The following SYT14 variants were observed in gnomAD, a reference collection of about 807,000 sequenced individuals.
SYT14 encodes synaptotagmin 14.
A neutral mutation model predicts 74.2 loss-of-function variants in SYT14; 32 were observed. The observed-to-expected ratio is 0.43, with a 90% CI of 0.33 to 0.58. SYT14 has a LOEUF of 0.58. SYT14 is among the 20% of genes least tolerant of loss of function. SYT14 has a pLI of 0.05. For synonymous variants in SYT14, 298 were observed against 337.7 expected (o/e 0.88, Z 1.29); for missense variants, 791 against 981.8 (o/e 0.81, Z 2.60).
At chr1:210,096,564 T>C (rs1368874355) in intron 6 of SYT14, among the ~76,000 whole-genome samples, 1 of 152,214 alleles carries the variant, frequency 6.6e-6, no homozygotes. Flanking sequence ...TGTCTCACTG[T>C]CTTCTTTTCC....
intron 2 of SYT14, among the ~76,000 whole-genome samples, chr1:210,000,449 G>A (rs866347879): frequency 1.5e-5 from 2 of 131,236 alleles, no homozygotes; most frequent in South Asian, 2.4e-4. Flanking sequence ...TCTTATTTTA[G>A]TCCTTTGTCC....
At chr1:210,118,483 T>C (rs998043813) in intron 7 of SYT14, among the ~76,000 whole-genome samples, 6 of 151,882 alleles carry the variant, frequency 4.0e-5, no homozygotes, top group African/African-American at 1.2e-4. Flanking sequence ...TTTTGTTTTG[T>C]TTTTGTTTTT....
At chr1:210,063,209 C>T (rs1180602006) in intron 5 of SYT14, among the ~76,000 whole-genome samples, 1 of 151,134 alleles carries the variant, frequency 6.6e-6, no homozygotes, top group Non-Finnish European at 1.5e-5. Context: ...ATCTTTTTTA[C>T]CTGTAAATCT....
At chr1:209,979,681 A>G (rs2079444753) in intron 2 of SYT14, among the ~76,000 whole-genome samples, 1 of 151,778 alleles carries the variant, frequency 6.6e-6, no homozygotes, top group African/African-American at 2.4e-5. Context: ...CTCACCTCCC[A>G]CTTGTAAGTG....
At chr1:210,081,342 GT>G (rs2081611993) in intron 5 of SYT14, among the ~76,000 whole-genome samples, 1 of 152,218 alleles carries the variant, frequency 6.6e-6, no homozygotes, top group Non-Finnish European at 1.5e-5. Context: ...AGTTAAGGAT[GT>G]TCAGGCATAC....
At chr1:210,117,964 A>G (rs2130627) in intron 7 of SYT14, among the ~76,000 whole-genome samples, 21,233 of 152,176 alleles carry the variant, frequency 0.14, 4,734 homozygotes, top group African/African-American at 0.47. Context: ...CTTCACTGTC[A>G]GCAACCAACA....
chr1:210,111,036 A>G (rs2082252573), intron 7 of SYT14, among the ~76,000 whole-genome samples: 2 of 152,120 alleles, frequency 1.3e-5, no homozygotes, highest in South Asian at 4.1e-4. Context: ...GAGCCACCAC[A>G]TTAACATAAA....
chr1:210,027,051 C>T lies in SYT14; in HGVS notation c.1312+5797C>T, dbSNP rs567450727. 1.2e-4 allele frequency among the ~76,000 whole-genome samples: 19 copies of T among 152,200 alleles called. No homozygotes were observed. The East Asian group carries it at 3.1e-3, about 25-fold the overall frequency. The stretch of plus-strand genomic sequence containing the variant: ...AGAAATTCACATATAATTTTTGATT[C>T]ACCAGAAACTTAACTACTGATAGCC... On this transcript the variant is annotated intron_variant, in intron 5 of 9. Coordinates refer to ENST00000637265, the Ensembl canonical transcript of SYT14.
At chr1:210,014,054 G>A (rs560544493) in intron 3 of SYT14, among the ~76,000 whole-genome samples, 1 of 152,194 alleles carries the variant, frequency 6.6e-6, no homozygotes, top group African/African-American at 2.4e-5. Context: ...ATGCTTTTGA[G>A]CCTATAATAG....
chr1:210,081,539 T>G (rs1409498818), intron 5 of SYT14, among the ~76,000 whole-genome samples: 1 of 152,266 alleles, frequency 6.6e-6, no homozygotes, highest in African/African-American at 2.4e-5. Flanking sequence ...AATACTTCAT[T>G]GCTAGAAAAA....
intron 7 of SYT14, among the ~76,000 whole-genome samples, chr1:210,119,803 A>G (rs906847154): frequency 5.9e-5 from 9 of 152,176 alleles, no homozygotes; most frequent in Non-Finnish European, 1.2e-4. Context: ...AAAAAGGCTA[A>G]TTCTCCATAG....
intron 2 of SYT14, among the ~76,000 whole-genome samples, chr1:209,989,043 A>C (rs190273763): frequency 6.6e-6 from 1 of 152,298 alleles, no homozygotes; most frequent in Admixed American, 6.5e-5. Flanking sequence ...TTGGAAAATC[A>C]TAGTCATACA....
At chr1:210,067,205 A>T (rs892028804) in intron 5 of SYT14, among the ~76,000 whole-genome samples, 1 of 151,954 alleles carries the variant, frequency 6.6e-6, no homozygotes, top group African/African-American at 2.4e-5. Context: ...AGTTGCTTTT[A>T]CTAAGCTTGA....
At chr1:210,056,014 A>C (rs983263386) in intron 5 of SYT14, among the ~76,000 whole-genome samples, 1 of 152,140 alleles carries the variant, frequency 6.6e-6, no homozygotes, top group South Asian at 2.1e-4. Flanking sequence ...CCTAAGACTA[A>C]TCCTCATTTC....
At chr1:210,059,449 TATAGAGAGAGAGAGAG>T (rs2081164913) in intron 5 of SYT14, among the ~76,000 whole-genome samples, 1 of 89,716 alleles carries the variant, frequency 1.1e-5, no homozygotes, top group South Asian at 3.9e-4. Flanking sequence ...TATATATATA[TATAGAGAGAGAGAGAG>T]AGAGAGAGAG....
At chr1:209,955,814 C>A (rs1014238672) in intron 2 of SYT14, among the ~76,000 whole-genome samples, 1 of 152,156 alleles carries the variant, frequency 6.6e-6, no homozygotes, top group Non-Finnish European at 1.5e-5. Context: ...ATGGGTGAGA[C>A]TCTGGGTGTA....
At chr1:210,089,042 C>T (rs1160119391) in intron 5 of SYT14, among the ~76,000 whole-genome samples, 1 of 152,094 alleles carries the variant, frequency 6.6e-6, no homozygotes, top group Non-Finnish European at 1.5e-5. Context: ...CCTCCATCCC[C>T]TGACATGCCC....
At chr1:210,093,740 C>T (rs114606903) in intron 5 of SYT14, among the ~76,000 whole-genome samples, 12 of 152,200 alleles carry the variant, frequency 7.9e-5, no homozygotes, top group African/African-American at 2.2e-4. Context: ...GATGGATGTT[C>T]GCAAACAGGG....
chr1:210,112,238 T>A (rs1323924607), intron 7 of SYT14, among the ~76,000 whole-genome samples: 4 of 151,132 alleles, frequency 2.6e-5, no homozygotes, highest in Non-Finnish European at 4.4e-5. Flanking sequence ...TTGCCAGTCC[T>A]GGGCAGGGGC....
Sources: allele counts gnomAD v4.1 joint callset (sites outside exome capture counted in the v4.1 genomes callset), GRCh38; gene constraint gnomAD v4.1.1; transcripts MANE v1.5; gene names NCBI Gene and HGNC (gene_info 2026-07-23, HGNC 2026-07-21).